The following WNT3A variants were observed in gnomAD, a reference collection of about 807,000 sequenced individuals.
The protein encoded by WNT3A is Wnt family member 3A.
A neutral mutation model predicts 37.0 loss-of-function variants in WNT3A; 17 were observed. The observed-to-expected ratio is 0.46, with a 90% CI of 0.31 to 0.69. WNT3A has a LOEUF of 0.69. Among genes scored for constraint, WNT3A ranks in the 30% least tolerant of loss-of-function variants. The pLI is 0.05. For synonymous variants in WNT3A, 187 were observed against 211.0 expected (o/e 0.89, Z 0.99); for missense variants, 411 against 510.2 (o/e 0.81, Z 1.87).
chr1:228,027,234 CAT>C lies in WNT3A; in HGVS notation c.313+4329_313+4330del, dbSNP rs201786443. 8.1e-3 allele frequency among the ~76,000 whole-genome samples: 1,238 copies of C among 152,360 alleles called. 19 individuals are homozygous for C. The highest frequency in any genetic ancestry group is 0.028 in the African/African-American group (1,162 of 41,572). The stretch of plus-strand genomic sequence containing the variant: ...CAATTGGGAATTGTGCTGCTGTGAA[CAT>C]ATGTGTGCAAGTGTCTTCTTCATAT... On this transcript the variant is annotated intron_variant, in intron 2 of 3. Coordinates refer to ENST00000284523, the MANE Select transcript of WNT3A (RefSeq NM_033131.4).
chr1:228,012,612 C>A (rs1358235407), intron 1 of WNT3A, among the ~76,000 whole-genome samples: 1 of 152,078 alleles, frequency 6.6e-6, no homozygotes, highest in East Asian at 1.9e-4. Flanking sequence ...CTAACTTGCC[C>A]CCTTTAAGAG....
intron 1 of WNT3A, among the ~76,000 whole-genome samples, chr1:228,012,336 C>A (rs879743113): frequency 2.0e-5 from 3 of 152,198 alleles, no homozygotes; most frequent in Non-Finnish European, 4.4e-5. Context: ...TGCTTGGCCA[C>A]CTGCCATGAA....
chr1:228,051,679 C>A (rs1272036873), intron 3 of WNT3A, among the ~76,000 whole-genome samples: 2 of 152,040 alleles, frequency 1.3e-5, no homozygotes, highest in Non-Finnish European at 2.9e-5. Flanking sequence ...TTGTTTTAGG[C>A]CATTCTTGCA....
At chr1:228,051,392 CA>C (rs1264089881) in intron 3 of WNT3A, among the ~76,000 whole-genome samples, 1 of 152,170 alleles carries the variant, frequency 6.6e-6, no homozygotes, top group East Asian at 1.9e-4. Flanking sequence ...TGTAATGGAA[CA>C]AAGAGCATCT....
rs1166886584 is a variant in WNT3A at position 228,007,013 on chromosome 1, C to T, written c.-116C>T. ...CTCGGAGCCCGCGCACACCCGCGCA[C>T]CCGCGGCCGCAGGAGGGCCCAGCGA... On this transcript the variant is annotated 5_prime_UTR_variant, in exon 1 of 4. Transcript: ENST00000284523. The surrounding 1 kb of genome is among the most constrained non-coding windows in gnomAD (Gnocchi z 6.0). 6.4e-5 allele frequency: 33 copies of T among 516,776 alleles called. No homozygotes were observed. Among genetic ancestry groups the T allele is most frequent in the Non-Finnish European group, 8.3e-5 (32 of 385,336 alleles). 32.0% of individuals were successfully genotyped at this position (516,776 alleles called of 1,614,324 possible).
intron 2 of WNT3A, among the ~76,000 whole-genome samples, chr1:228,023,494 C>T (rs1423682072): frequency 1.3e-5 from 2 of 150,374 alleles, no homozygotes; most frequent in Non-Finnish European, 3.0e-5. Flanking sequence ...GAGAAAGACA[C>T]AGAGGAATAG....
intron 1 of WNT3A, among the ~76,000 whole-genome samples, chr1:228,015,009 GA>G (rs1174387919): frequency 6.6e-6 from 1 of 152,122 alleles, no homozygotes; most frequent in Non-Finnish European, 1.5e-5. Context: ...CGATTGTTAG[GA>G]AAAAAACAAA....
rs1465993202 is a variant in WNT3A, at chr1:228,008,320, C to T, written c.71+1121C>T. ...CGGCAGCCTGGAATTATAATAATTA[C>T]GCCGAGGGGAAGGGGGGAGACCCAG... On this transcript the variant is annotated intron_variant, in intron 1 of 3. Transcript: ENST00000284523. This position sits in a 1 kb window ranked among gnomAD's most constrained non-coding sequence, Gnocchi z 4.9. Among the ~76,000 whole-genome samples the T allele has an allele frequency of 2.0e-5, 3 of 152,180 alleles. No individual in the cohort carries two copies. Among genetic ancestry groups the T allele is most frequent in the East Asian group, 1.9e-4 (1 of 5,190 alleles).
At chr1:228,010,742 T>C (rs1267073000) in intron 1 of WNT3A, among the ~76,000 whole-genome samples, 7 of 152,240 alleles carry the variant, frequency 4.6e-5, no homozygotes, top group Admixed American at 6.5e-5. Flanking sequence ...TGCCTGCCCC[T>C]GGCCTGCTCC....
chr1:228,024,493 C>T (rs557746101), intron 2 of WNT3A, among the ~76,000 whole-genome samples: 2 of 152,278 alleles, frequency 1.3e-5, no homozygotes, highest in East Asian at 3.9e-4. Context: ...AAGTCCTTTG[C>T]CCATTTTTAA....
In WNT3A at chr1:228,007,191, G is replaced by T. The variant is rs564795189; in HGVS notation, c.63G>T (p.Pro21=). The part of the protein sequence containing the change: ...CSLKQALGSY[P]IWWSLAVGPQ... ...TGAAGCAGGCTCTGGGCAGCTACCC[G>T]ATCTGGTGGTGAGTGAGCCTCCTCG... The change falls in exon 1 of 4, where the codon CCG becomes CCT. Residue 21 remains proline (P), a synonymous_variant. Coordinates refer to ENST00000284523, the MANE Select transcript of WNT3A (RefSeq NM_033131.4). This position sits in a 1 kb window ranked among gnomAD's most constrained non-coding sequence, Gnocchi z 6.0. The T allele has an allele frequency of 1.9e-5, 31 of 1,602,854 alleles. No individual in the cohort carries two copies. The highest frequency in any genetic ancestry group is 2.6e-5 in the Non-Finnish European group (30 of 1,174,882).
chr1:228,026,576 G>A (rs994410171), intron 2 of WNT3A, among the ~76,000 whole-genome samples: 3 of 152,082 alleles, frequency 2.0e-5, no homozygotes, highest in African/African-American at 7.2e-5. Flanking sequence ...AATGTACATT[G>A]TAACCAATAT....
At position 228,007,617 on chromosome 1, in the gene WNT3A, TACAC is replaced by T. The variant is rs2030237895; in HGVS notation, c.71+422_71+425del. Among the ~76,000 whole-genome samples the T allele has an allele frequency of 1.3e-5, 2 of 152,110 alleles. No individual in the cohort carries two copies. Among genetic ancestry groups the T allele is most frequent in the South Asian group, 4.1e-4 (2 of 4,824 alleles). On this transcript the variant is annotated intron_variant, in intron 1 of 3. Coordinates refer to ENST00000284523, the MANE Select transcript of WNT3A (RefSeq NM_033131.4). This position sits in a 1 kb window ranked among gnomAD's most constrained non-coding sequence, Gnocchi z 6.0. ...GAGACTTTCCTCAAAAACCGTATCT[TACAC>T]ACAAACACACACACACGTTTTAAAA...
chr1:228,014,268 C>T (rs1025398876), intron 1 of WNT3A, among the ~76,000 whole-genome samples: 1 of 152,142 alleles, frequency 6.6e-6, no homozygotes, highest in African/African-American at 2.4e-5. Context: ...GATGGGGAAA[C>T]TGAGGCCCAG....
At chr1:228,020,447 G>A (rs2030671276) in intron 1 of WNT3A, among the ~76,000 whole-genome samples, 1 of 152,236 alleles carries the variant, frequency 6.6e-6, no homozygotes, top group African/African-American at 2.4e-5. Flanking sequence ...GTCACAGACA[G>A]CTGACCTTGG....
chr1:228,010,723 C>A (rs148913694), intron 1 of WNT3A, among the ~76,000 whole-genome samples: 45 of 152,370 alleles, frequency 3.0e-4, no homozygotes, highest in Middle Eastern at 3.4e-3. Flanking sequence ...TGGGCTGTGT[C>A]CAGCCTTTTG....
chr1:228,040,141 A>G (rs974809285), intron 2 of WNT3A, among the ~76,000 whole-genome samples: 7 of 152,316 alleles, frequency 4.6e-5, no homozygotes, highest in Non-Finnish European at 1.0e-4. Context: ...AGCCATGGGA[A>G]CACCCATTGG....
intron 2 of WNT3A, among the ~76,000 whole-genome samples, chr1:228,034,122 C>G (rs2031081511): frequency 6.6e-6 from 1 of 152,018 alleles, no homozygotes; most frequent in South Asian, 2.1e-4. Context: ...ATTAGCCAGG[C>G]ATGGTGGCAC....
chr1:228,040,971 TTATA>T (rs4065965), intron 2 of WNT3A, among the ~76,000 whole-genome samples: 1,975 of 138,124 alleles, frequency 0.014, 31 homozygotes, highest in African/African-American at 0.044. Flanking sequence ...GGTAGATATT[TTATA>T]TATATATATA....
Sources: allele counts gnomAD v4.1 joint callset (sites outside exome capture counted in the v4.1 genomes callset), GRCh38; gene constraint gnomAD v4.1.1; non-coding constraint Gnocchi (gnomAD v3.1); transcripts MANE v1.5; gene names NCBI Gene and HGNC (gene_info 2026-07-23, HGNC 2026-07-21).